Variants in TSHZ2 observed in about 807,000 individuals in gnomAD.
TSHZ2 encodes teashirt zinc finger homeobox 2, also known as teashirt homolog 2.
A neutral mutation model predicts 74.4 loss-of-function variants in TSHZ2; 21 were observed. The ratio of observed to expected loss-of-function variants is 0.28; its 90% CI spans 0.20 to 0.41. The LOEUF is 0.41. Among genes scored for constraint, TSHZ2 ranks in the 10% least tolerant of loss-of-function variants. The probability of loss-of-function intolerance (pLI) is 1.00; values close to 1 mark genes in which losing one functional copy is unlikely to be tolerated. For missense variants in TSHZ2, 1,244 were observed against 1,293.5 expected (o/e 0.96, Z 0.59); for synonymous variants, 540 against 515.3 (o/e 1.05, Z -0.65).
chr20:53,178,184 A>G (rs116048352), intron 1 of TSHZ2: 167 of 152,140 alleles, frequency 1.1e-3, no homozygotes, highest in African/African-American at 4.0e-3. Context: ...GAAGGACCCT[A>G]TCATCTCTTG....
intron 2 of TSHZ2, among the ~76,000 whole-genome samples, chr20:53,311,547 C>G (rs557762175): frequency 6.6e-6 from 1 of 152,318 alleles, no homozygotes; most frequent in East Asian, 1.9e-4. Flanking sequence ...CTCAGCCTGG[C>G]ACACACAGTG....
chr20:53,154,262 T>C (rs1987740884), intron 1 of TSHZ2, among the ~76,000 whole-genome samples: 1 of 152,166 alleles, frequency 6.6e-6, no homozygotes, highest in African/African-American at 2.4e-5. Flanking sequence ...TTTAGTTTTG[T>C]TAGGAAAGGG....
At chr20:53,408,890 G>A (rs746090620) in intron 2 of TSHZ2, among the ~76,000 whole-genome samples, 3 of 152,152 alleles carry the variant, frequency 2.0e-5, no homozygotes, top group Non-Finnish European at 4.4e-5. Flanking sequence ...GATGTTGCAT[G>A]AACTTTTCTG....
chr20:53,369,317 G>C lies in TSHZ2; in HGVS notation c.*8+112746G>C, dbSNP rs369472226. Reference sequence around the variant, plus strand: ...AGTTAGGGAAGTCCATGCCAAGGAGGTGACAATTTAGCAGAGGGTTGCATG... The same window carrying C: ...AGTTAGGGAAGTCCATGCCAAGGAGCTGACAATTTAGCAGAGGGTTGCATG... On this transcript the variant is annotated intron_variant, in intron 2 of 2. Transcript: ENST00000371497. Among the ~76,000 whole-genome samples, 18 of 152,290 alleles carry C rather than the reference G, an allele frequency of 1.2e-4. No homozygotes were observed. The South Asian group carries it at 3.7e-3, about 32-fold the overall frequency.
chr20:53,135,609 AT>A (rs1385079563), intron 1 of TSHZ2, among the ~76,000 whole-genome samples: 1 of 151,830 alleles, frequency 6.6e-6, no homozygotes, highest in African/African-American at 2.4e-5. Flanking sequence ...ATTTTATTTT[AT>A]TTTGAGACAG....
chr20:53,095,889 C>G (rs1319805421), intron 1 of TSHZ2, among the ~76,000 whole-genome samples: 1 of 152,072 alleles, frequency 6.6e-6, no homozygotes, highest in Non-Finnish European at 1.5e-5. Context: ...TCACAATTCA[C>G]CAGGGAAATA....
At position 53,333,894 on chromosome 20, in the gene TSHZ2, C is replaced by G. The variant is rs562204349; in HGVS notation, c.*8+77323C>G. ...TGGTAACAGACAAAAGCCTGCATCT[C>G]AAGGGCCAGATCACTGGGAGACAAA... On this transcript the variant is annotated intron_variant, in intron 2 of 2. Coordinates refer to ENST00000371497, the MANE Select transcript of TSHZ2 (RefSeq NM_173485.6). Among the ~76,000 whole-genome samples the G allele has an allele frequency of 7.9e-5, 12 of 152,334 alleles. No homozygotes were observed. In the South Asian group the frequency reaches 2.5e-3, roughly 32 times the overall value.
At chr20:53,464,009 T>C (rs1057072493) in intron 2 of TSHZ2, among the ~76,000 whole-genome samples, 1 of 152,232 alleles carries the variant, frequency 6.6e-6, no homozygotes, top group African/African-American at 2.4e-5. Flanking sequence ...TGAGCCTCCA[T>C]GTCACCACCC....
intron 1 of TSHZ2, among the ~76,000 whole-genome samples, chr20:53,117,722 A>G (rs887252094): frequency 9.9e-5 from 15 of 152,234 alleles, no homozygotes; most frequent in African/African-American, 3.6e-4. Context: ...ATTTGGCAGT[A>G]TAAACTGATA....
chr20:53,182,968 C>G (rs1988517859), intron 1 of TSHZ2, among the ~76,000 whole-genome samples: 2 of 152,058 alleles, frequency 1.3e-5, no homozygotes, highest in African/African-American at 4.8e-5. Flanking sequence ...CTTTACAAAC[C>G]CTTTCAGTCA....
At chr20:53,233,441 C>T (rs1006658824) in intron 1 of TSHZ2, among the ~76,000 whole-genome samples, 1 of 152,136 alleles carries the variant, frequency 6.6e-6, no homozygotes. Context: ...AAGGGTGAGA[C>T]CTTTACGCTA....
chr20:53,198,578 A>G (rs1219691831), intron 1 of TSHZ2, among the ~76,000 whole-genome samples: 1 of 152,250 alleles, frequency 6.6e-6, no homozygotes, highest in Non-Finnish European at 1.5e-5. Flanking sequence ...CTTAAAATGA[A>G]AAATGTAAGT....
intron 1 of TSHZ2, among the ~76,000 whole-genome samples, chr20:53,015,028 C>A (rs879352137): frequency 3.3e-5 from 5 of 152,176 alleles, no homozygotes; most frequent in African/African-American, 4.8e-5. Flanking sequence ...TCCCTTGTTG[C>A]CCCACACTGC....
At chr20:53,411,860 C>T (rs1983066089) in intron 2 of TSHZ2, among the ~76,000 whole-genome samples, 1 of 152,100 alleles carries the variant, frequency 6.6e-6, no homozygotes, top group Non-Finnish European at 1.5e-5. Context: ...AAAAGAGTAC[C>T]TATCTCATAG....
At chr20:53,412,873 G>A (rs1181604004) in intron 2 of TSHZ2, 1 of 152,232 alleles carries the variant, frequency 6.6e-6, no homozygotes, top group Non-Finnish European at 1.5e-5. Flanking sequence ...TTCTGTTTCT[G>A]GAAAGACCTC....
rs1312737264 is a variant in TSHZ2, at chr20:53,253,922, G to A, written c.464G>A (p.Cys155Tyr). The change falls in exon 2 of 3, where the codon TGT (cysteine) becomes TAT (tyrosine). Residue 155 changes from cysteine (C) to tyrosine (Y), a missense_variant. Around this residue, in one of 6 missense-constraint regions of TSHZ2, gnomAD observed 470 missense variants for 456.5 expected, o/e 1.03. Coordinates refer to ENST00000371497, the MANE Select transcript of TSHZ2 (RefSeq NM_173485.6). ...FKLSNSERRN[C>Y]DTRNGSNKSD... ...CTGTCCAATAGTGAGAGGAGGAACT[G>A]TGACACCCGAAACGGCAGCAACAAG... The A allele has an allele frequency of 1.9e-6, 3 of 1,614,190 alleles. No individual in the cohort carries two copies. In the South Asian group the frequency reaches 3.3e-5, roughly 18 times the overall value.
chr20:53,489,955 T>C lies in TSHZ2; in HGVS notation c.*2820T>C, dbSNP rs1038979311. 6.6e-6 allele frequency: 1 copy of C among 152,232 alleles called. No individual in the cohort carries two copies. The highest frequency in any genetic ancestry group is 1.5e-5 in the Non-Finnish European group (1 of 68,030). The allele number at this position is 152,232 out of a possible 1,614,324, so 9.4% of individuals were successfully genotyped here. ...CTTTACCCACCTTCATACCACTGCT[T>C]TCTTTTTGCTGAATAAAACACAGTT... On this transcript the variant is annotated 3_prime_UTR_variant, in exon 3 of 3. Transcript: ENST00000371497.
intron 1 of TSHZ2, among the ~76,000 whole-genome samples, chr20:52,999,750 A>T (rs1982344494): frequency 6.6e-6 from 1 of 152,140 alleles, no homozygotes; most frequent in Admixed American, 6.5e-5. Flanking sequence ...GCAAACTGGG[A>T]TTTCTGGGGG....
chr20:53,401,549 A>G (rs1982659346), intron 2 of TSHZ2, among the ~76,000 whole-genome samples: 1 of 37,202 alleles, frequency 2.7e-5, no homozygotes, highest in Admixed American at 2.3e-4. Context: ...ACTCCTTCCA[A>G]CCCCTCCCCC....
Sources: gnomAD v4.1 joint callset for allele counts (sites outside exome capture counted in the v4.1 genomes callset) on GRCh38, gnomAD v4.1.1 for gene constraint, gnomAD v4.1.1 regional missense constraint, MANE v1.5 for transcripts, NCBI Gene and HGNC (gene_info 2026-07-23, HGNC 2026-07-21) for gene names.